The following DTWD2 variants were observed in gnomAD, a reference collection of about 807,000 sequenced individuals.
The protein encoded by DTWD2 is DTW motif tRNA-uridine aminocarboxypropyltransferase 2, also known as tRNA-uridine aminocarboxypropyltransferase 2.
A neutral mutation model predicts 31.8 loss-of-function variants in DTWD2; 39 were observed. That is an observed-to-expected ratio of 1.22 (90% CI 0.95 to 1.60). The LOEUF (loss-of-function observed/expected upper bound fraction) is 1.60, where lower values mean the gene tolerates loss of function less well. Ranked by LOEUF, DTWD2 falls within the 40% of genes most tolerant of loss-of-function variation. The probability of loss-of-function intolerance (pLI) is 0.00; values close to 1 mark genes in which losing one functional copy is unlikely to be tolerated. For missense variants in DTWD2, 515 were observed against 381.5 expected (o/e 1.35, Z -2.92); for synonymous variants, 180 against 142.8 (o/e 1.26, Z -1.86).
At chr5:118,964,722 G>A (rs914646953) in intron 1 of DTWD2, among the ~76,000 whole-genome samples, 5 of 152,264 alleles carry the variant, frequency 3.3e-5, no homozygotes, top group African/African-American at 1.2e-4. Context: ...GACTGCAGAT[G>A]GAGTCTCGTT....
intron 2 of DTWD2, among the ~76,000 whole-genome samples, chr5:118,943,665 G>A (rs763329455): frequency 7.2e-5 from 11 of 152,126 alleles, no homozygotes; most frequent in Non-Finnish European, 1.5e-4. Context: ...TTGTACCCGG[G>A]AGGCAGAGAT....
chr5:118,969,793 A>C (rs1036569686), intron 1 of DTWD2, among the ~76,000 whole-genome samples: 3 of 152,080 alleles, frequency 2.0e-5, no homozygotes, highest in African/African-American at 7.2e-5. Flanking sequence ...TGACTGCAAC[A>C]CCTCTCCAGC....
chr5:118,842,953 CTTTTTTT>C (rs1181962036), intron 5 of DTWD2, among the ~76,000 whole-genome samples: 2 of 108,788 alleles, frequency 1.8e-5, no homozygotes, highest in East Asian at 2.5e-4. Flanking sequence ...TCTTCTTCCT[CTTTTTTT>C]TTTTTTTTTT....
intron 4 of DTWD2, among the ~76,000 whole-genome samples, chr5:118,882,921 A>C (rs1386596346): frequency 6.6e-6 from 1 of 152,206 alleles, no homozygotes; most frequent in Non-Finnish European, 1.5e-5. Flanking sequence ...ACTTATGCAA[A>C]TTTATGCAGC....
At chr5:118,908,320 C>G (rs1311008590) in intron 4 of DTWD2, among the ~76,000 whole-genome samples, 1 of 152,020 alleles carries the variant, frequency 6.6e-6, no homozygotes, top group Non-Finnish European at 1.5e-5. Context: ...CTCATATATG[C>G]CTGGCTTGGA....
intron 4 of DTWD2, among the ~76,000 whole-genome samples, chr5:118,913,165 T>C (rs1753496861): frequency 6.6e-6 from 1 of 151,924 alleles, no homozygotes; most frequent in South Asian, 2.1e-4. Context: ...ACCTCAGGTA[T>C]AAATGGGTTA....
At chr5:118,944,022 A>G (rs1416477716) in intron 2 of DTWD2, among the ~76,000 whole-genome samples, 2 of 152,248 alleles carry the variant, frequency 1.3e-5, no homozygotes, top group East Asian at 1.9e-4. Context: ...TTACAAACAC[A>G]TATACACACT....
chr5:118,838,886 A>G lies in DTWD2; in HGVS notation c.*2031T>C, dbSNP rs1330223682. 1 of 152,182 alleles carries G rather than the reference A, an allele frequency of 6.6e-6. No individual in the cohort carries two copies. Among genetic ancestry groups the G allele is most frequent in the African/African-American group, 2.4e-5 (1 of 41,442 alleles). The allele number at this position is 152,182 out of a possible 1,614,324, so 9.4% of individuals were successfully genotyped here. A position where few individuals can be genotyped will look rare whatever the true frequency, so the allele number is the denominator to read the frequency against. ...GTAGGGGGAGTTTTCTTTTTAAAAA[A>G]TAATAATGATGGCTGGGCACGGTCC... On this transcript the variant is annotated 3_prime_UTR_variant, in exon 6 of 6. Transcript: ENST00000510708.
chr5:118,949,933 G>A (rs975051026), intron 1 of DTWD2, among the ~76,000 whole-genome samples: 10 of 152,110 alleles, frequency 6.6e-5, no homozygotes, highest in African/African-American at 1.4e-4. Flanking sequence ...CTAAGCGGCC[G>A]GGCGCGATGG....
intron 5 of DTWD2, among the ~76,000 whole-genome samples, chr5:118,842,638 A>G (rs911538535): frequency 6.6e-5 from 10 of 152,112 alleles, no homozygotes; most frequent in African/African-American, 2.4e-4. Context: ...CATGCAGGCA[A>G]ATATAATTCC....
intron 1 of DTWD2, among the ~76,000 whole-genome samples, chr5:118,959,912 A>C (rs1276405986): frequency 6.6e-6 from 1 of 152,182 alleles, no homozygotes; most frequent in Non-Finnish European, 1.5e-5. Flanking sequence ...CTGAAACTAG[A>C]CCTCTTCCTT....
At chr5:118,892,934 TAAG>T (rs1408944998) in intron 4 of DTWD2, among the ~76,000 whole-genome samples, 1 of 152,110 alleles carries the variant, frequency 6.6e-6, no homozygotes, top group Non-Finnish European at 1.5e-5. Context: ...TTACAGAATG[TAAG>T]AAAGAATACA....
intron 4 of DTWD2, among the ~76,000 whole-genome samples, chr5:118,924,078 CTGGT>C (rs1020484865): frequency 6.6e-6 from 1 of 152,208 alleles, no homozygotes; most frequent in African/African-American, 2.4e-5. Context: ...GAAAACTCCT[CTGGT>C]TGATTCTCAA....
intron 5 of DTWD2, among the ~76,000 whole-genome samples, chr5:118,844,286 G>T (rs945651069): frequency 8.7e-4 from 132 of 152,310 alleles, no homozygotes; most frequent in African/African-American, 3.1e-3. Context: ...ATAGCAGGAG[G>T]TTTTGCCACA....
At chr5:118,898,677 T>C (rs200469459) in intron 4 of DTWD2, among the ~76,000 whole-genome samples, 3 of 126,098 alleles carry the variant, frequency 2.4e-5, no homozygotes, top group Non-Finnish European at 5.2e-5. Context: ...AAAAAAAAAA[T>C]GAGAATGAGA....
intron 4 of DTWD2, among the ~76,000 whole-genome samples, chr5:118,905,362 T>C (rs1023834685): frequency 1.3e-5 from 2 of 152,082 alleles, no homozygotes; most frequent in Non-Finnish European, 2.9e-5. Flanking sequence ...TGAGAAGAGA[T>C]GCTCCTGCTC....
chr5:118,905,850 T>C (rs570522869), intron 4 of DTWD2, among the ~76,000 whole-genome samples: 1 of 152,146 alleles, frequency 6.6e-6, no homozygotes, highest in Non-Finnish European at 1.5e-5. Flanking sequence ...ATCATGTATA[T>C]GACTTTTTAA....
intron 1 of DTWD2, among the ~76,000 whole-genome samples, chr5:118,952,852 T>C (rs748145419): frequency 6.6e-6 from 1 of 152,236 alleles, no homozygotes; most frequent in Non-Finnish European, 1.5e-5. Flanking sequence ...TGCACGTCTC[T>C]GTTACTCCCA....
chr5:118,947,520 A>G (rs1225860781), intron 1 of DTWD2, among the ~76,000 whole-genome samples: 1 of 152,180 alleles, frequency 6.6e-6, no homozygotes, highest in Non-Finnish European at 1.5e-5. Context: ...GTCAAACTGC[A>G]GTCCCTACCA....
Sources: allele counts gnomAD v4.1 joint callset (sites outside exome capture counted in the v4.1 genomes callset), GRCh38; gene constraint gnomAD v4.1.1; transcripts MANE v1.5; gene names NCBI Gene and HGNC (gene_info 2026-07-23, HGNC 2026-07-21).